SIK2: variants seen among roughly 807,000 people sequenced by gnomAD.
SIK2 encodes the protein serine/threonine-protein kinase SIK2.
Under a neutral mutation model 103.2 loss-of-function variants are expected in SIK2, and 29 were observed. That is an observed-to-expected ratio of 0.28 (90% CI 0.21 to 0.38). The LOEUF (loss-of-function observed/expected upper bound fraction) is 0.38. SIK2 is among the 10% of genes least tolerant of loss of function. The probability of loss-of-function intolerance (pLI) is 1.00; values close to 1 mark genes in which losing one functional copy is unlikely to be tolerated. For synonymous variants in SIK2, 412 were observed against 446.1 expected, an observed-to-expected ratio of 0.92 and a Z score of 0.96; for missense variants, 879 against 1,171.0, an observed-to-expected ratio of 0.75 and a Z score of 3.64.
At chr11:111,694,246 AAGGCTTTAAAGCCTTATT>A (rs1392347462) in intron 4 of SIK2, among the ~76,000 whole-genome samples, 2 of 152,230 alleles carry the variant, frequency 1.3e-5, no homozygotes, top group African/African-American at 4.8e-5. Flanking sequence ...TTAATTAACT[AAGGCTTTAAAGCCTTATT>A]AATACAAACC....
Position 111,723,489 on chromosome 11 carries a change from A to G in SIK2, c.2148-7A>G, listed in dbSNP as rs1489608716. The stretch of plus-strand genomic sequence containing the variant: ...TAAAATTCTTTCCTTTGATATTACC[A>G]ATTTAGGCTCCAGCAGAAGCGACTC... On this transcript the variant is annotated splice_polypyrimidine_tract_variant and splice_region_variant and intron_variant, in intron 14 of 14. Transcript: ENST00000304987. The G allele has an allele frequency of 1.1e-5, 18 of 1,583,710 alleles. No homozygotes were observed. The highest frequency in any genetic ancestry group is 1.4e-5 in the Non-Finnish European group (16 of 1,164,574).
chr11:111,677,005 G>T (rs922461543), intron 3 of SIK2, among the ~76,000 whole-genome samples: 9 of 152,204 alleles, frequency 5.9e-5, no homozygotes, highest in African/African-American at 2.4e-5. Flanking sequence ...TGACTCATTT[G>T]TCAGTCCAGT....
chr11:111,608,716 A>G (rs945890145), intron 1 of SIK2, among the ~76,000 whole-genome samples: 1 of 152,264 alleles, frequency 6.6e-6, no homozygotes, highest in South Asian at 2.1e-4. Flanking sequence ...GTCTATTTCC[A>G]TCTTCCTGTC....
At position 111,726,811 on chromosome 11, in the gene SIK2, A is replaced by ACAT; in HGVS notation, c.*2684_*2685insTCA. 1.5e-6 allele frequency: 1 copy of ACAT among 676,488 alleles called. No individual in the cohort carries two copies. The highest frequency in any genetic ancestry group is 2.6e-6 in the Non-Finnish European group (1 of 381,678). The allele number at this position is 676,488 out of a possible 1,614,324, so 41.9% of individuals were successfully genotyped here. On this transcript the variant is annotated 3_prime_UTR_variant, in exon 15 of 15. Coordinates refer to ENST00000304987, the MANE Select transcript of SIK2 (RefSeq NM_015191.3). ...AGTCTGATTCACGTTAGCAGTGTGT[A>ACAT]CACTACTGTATCATCATCAGCTTCA...
intron 2 of SIK2, among the ~76,000 whole-genome samples, chr11:111,618,722 T>TA (rs1376116789): frequency 2.6e-5 from 4 of 151,982 alleles, no homozygotes; most frequent in East Asian, 3.9e-4. Flanking sequence ...CCTTTAAACT[T>TA]AAAAAAAATT....
chr11:111,651,033 C>T lies in SIK2; in HGVS notation c.316+30631C>T, dbSNP rs148933825. Among the ~76,000 whole-genome samples, 769 of 152,248 alleles carry T rather than the reference C, an allele frequency of 5.1e-3. 9 individuals are homozygous for T. Among genetic ancestry groups the T allele is most frequent in the African/African-American group, 0.017 (717 of 41,562 alleles). Reference sequence around the variant, plus strand: ...TGTCTTTTAGGAGCACATCTGACTTCACGTTAGAGTTATATATTAAGTTTT... The same window carrying T: ...TGTCTTTTAGGAGCACATCTGACTTTACGTTAGAGTTATATATTAAGTTTT... On this transcript the variant is annotated intron_variant, in intron 3 of 14. Coordinates refer to ENST00000304987, the MANE Select transcript of SIK2 (RefSeq NM_015191.3).
intron 1 of SIK2, among the ~76,000 whole-genome samples, chr11:111,614,246 G>A (rs889794358): frequency 6.6e-6 from 1 of 152,048 alleles, no homozygotes; most frequent in African/African-American, 2.4e-5. Flanking sequence ...ACCATGCCTA[G>A]CTAATTTTTA....
intron 3 of SIK2, among the ~76,000 whole-genome samples, chr11:111,670,050 A>G (rs1758883996): frequency 6.6e-6 from 1 of 152,186 alleles, no homozygotes; most frequent in African/African-American, 2.4e-5. Context: ...AAAACATCCT[A>G]TTATAATTAT....
At chr11:111,668,626 A>G (rs557642509) in intron 3 of SIK2, among the ~76,000 whole-genome samples, 1 of 152,346 alleles carries the variant, frequency 6.6e-6, no homozygotes, top group East Asian at 1.9e-4. Flanking sequence ...TTATTGTGCC[A>G]TGGTAACAAC....
chr11:111,603,127 G>C (rs529322596), intron 1 of SIK2, among the ~76,000 whole-genome samples: 1 of 152,134 alleles, frequency 6.6e-6, no homozygotes, highest in Non-Finnish European at 1.5e-5. Flanking sequence ...AGACGTCGCC[G>C]GCCCGAGGAG....
intron 3 of SIK2, among the ~76,000 whole-genome samples, chr11:111,648,344 AG>A (rs1481363381): frequency 3.3e-5 from 5 of 152,138 alleles, no homozygotes; most frequent in Admixed American, 6.5e-5. Flanking sequence ...TGGAAATCCT[AG>A]ATCAAGGTGC....
Position 111,701,111 on chromosome 11 carries a change from A to T in SIK2, c.603+101A>T, listed in dbSNP as rs895860458. ...TCCTGGTACTTAACACATAAGCAGT[A>T]TTTCATATTTTCCCCATCCACTGGA... On this transcript the variant is annotated intron_variant, in intron 5 of 14. Transcript: ENST00000304987. This position sits in a 1 kb window ranked among gnomAD's most constrained non-coding sequence, Gnocchi z 4.2. 7.0e-7 allele frequency: 1 copy of T among 1,426,896 alleles called. No homozygotes were observed. The highest frequency in any genetic ancestry group is 1.4e-5 in the African/African-American group (1 of 69,964). 88.4% of individuals were successfully genotyped at this position (1,426,896 alleles called of 1,614,324 possible).
chr11:111,616,710 G>A lies in SIK2; in HGVS notation c.252+351G>A, dbSNP rs574585125. ...TATATACAAATATTAGCCTGGTGTG[G>A]TGGTGCACATCTGTAGTCCCAGCTA... is the stretch of plus-strand genomic sequence containing the variant. On this transcript the variant is annotated intron_variant, in intron 2 of 14. Coordinates refer to ENST00000304987, the MANE Select transcript of SIK2 (RefSeq NM_015191.3). Among the ~76,000 whole-genome samples the A allele has an allele frequency of 2.0e-5, 3 of 152,156 alleles. No homozygotes were observed. The South Asian group carries it at 6.2e-4, about 32-fold the overall frequency.
At chr11:111,699,658 C>G (rs1943163778) in intron 4 of SIK2, among the ~76,000 whole-genome samples, 1 of 152,136 alleles carries the variant, frequency 6.6e-6, no homozygotes, top group Admixed American at 6.6e-5. Context: ...CTGCTTGCCT[C>G]TAGTTTTTAT....
chr11:111,694,285 A>T (rs1780860332), intron 4 of SIK2, among the ~76,000 whole-genome samples: 1 of 152,202 alleles, frequency 6.6e-6, no homozygotes, highest in Non-Finnish European at 1.5e-5. Flanking sequence ...TTTTAGGACC[A>T]AGGAAAGTTT....
At chr11:111,621,382 A>G (rs888508672) in intron 3 of SIK2, among the ~76,000 whole-genome samples, 2 of 152,148 alleles carry the variant, frequency 1.3e-5, no homozygotes, top group Admixed American at 1.3e-4. Flanking sequence ...TCTTTCCTTT[A>G]CTATAATTAT....
At chr11:111,662,776 G>A (rs930581403) in intron 3 of SIK2, among the ~76,000 whole-genome samples, 2 of 152,024 alleles carry the variant, frequency 1.3e-5, no homozygotes, top group Non-Finnish European at 1.5e-5. Flanking sequence ...TACTTGGGGG[G>A]CTGAGGCAGG....
chr11:111,628,865 A>T (rs944233521), intron 3 of SIK2, among the ~76,000 whole-genome samples: 2 of 152,124 alleles, frequency 1.3e-5, no homozygotes, highest in African/African-American at 4.8e-5. Flanking sequence ...CTATCCCTAT[A>T]TGTAAGAGGC....
intron 3 of SIK2, chr11:111,671,788 A>G (rs1161495984): frequency 2.4e-6 from 1 of 417,446 alleles, no homozygotes; most frequent in East Asian, 6.2e-5. Flanking sequence ...CTTCATCCAC[A>G]TCCTTCTTGA....
Sources: gnomAD v4.1 joint callset for allele counts (sites outside exome capture counted in the v4.1 genomes callset) on GRCh38, gnomAD v4.1.1 for gene constraint, Gnocchi (gnomAD v3.1) non-coding constraint, MANE v1.5 for transcripts, NCBI Gene and HGNC (gene_info 2026-07-23, HGNC 2026-07-21) for gene names.